CASP1: variants seen among roughly 807,000 people sequenced by gnomAD.
The protein encoded by CASP1 is caspase 1.
CASP1 carries 31 observed loss-of-function variants against 41.2 expected under a neutral mutation model. That is an observed-to-expected ratio of 0.75 (90% confidence interval 0.57 to 1.02). The LOEUF (loss-of-function observed/expected upper bound fraction) is 1.02. Among genes scored for constraint, CASP1 ranks in the 50% least tolerant of loss-of-function variants. The probability of loss-of-function intolerance (pLI) is 0.00; values close to 1 mark genes in which losing one functional copy is unlikely to be tolerated. For missense variants in CASP1, 490 were observed against 495.7 expected, an observed-to-expected ratio of 0.99 and a Z score of 0.11; for synonymous variants, 163 against 166.5, an observed-to-expected ratio of 0.98 and a Z score of 0.16.
In CASP1 at chr11:105,034,114, G is replaced by C; in HGVS notation, c.274+94C>G. 6 of 1,604,838 alleles carry C rather than the reference G, an allele frequency of 3.7e-6. No homozygotes were observed. The African/African-American group carries it at 4.0e-5, about 11-fold the overall frequency. On this transcript the variant is annotated intron_variant, in intron 2 of 8. Coordinates refer to ENST00000533400, the MANE Select transcript of CASP1 (RefSeq NM_001257118.3). ...TGGCCCTGAAGCCAGAAATAAGAAA[G>C]TTTTCTTCCAATTAACATGACTAGT...
chr11:105,026,887 C>T lies in CASP1; in HGVS notation c.1071G>A (p.Met357Ile). Residue 357 changes from methionine to isoleucine, a missense_variant, in exon 8 of 9, where the codon ATG (methionine) becomes ATA (isoleucine). Met to Ile is a conservative substitution (Grantham distance 10). Transcript: ENST00000533400. Reference sequence around the variant, plus strand: ...CATCACAGGAACAGGCATATTCTTGCATATGTTCAATGAGTCTTCCAATAA... The same window carrying T: ...CATCACAGGAACAGGCATATTCTTGTATATGTTCAATGAGTCTTCCAATAA... ...SVFIGRLIEH[M>I]QEYACSCDVE... The T allele has an allele frequency of 6.2e-7, 1 of 1,610,996 alleles. No individual in the cohort carries two copies. The highest frequency in any genetic ancestry group is 8.5e-7 in the Non-Finnish European group (1 of 1,177,340).
At position 105,030,378 on chromosome 11, in the gene CASP1, T is replaced by C; in HGVS notation, c.579A>G (p.Leu193=). The part of the protein sequence containing the change: ...EVDITGMTML[L]QNLGYSVDVK... ...CATCTACGCTGTACCCCAGATTTTG[T>C]AGCAGCATTGTCATGCCTGTGATGT... Residue 193 remains leucine, a synonymous_variant, in exon 5 of 9, where the codon CTA becomes CTG. Coordinates refer to ENST00000533400, the MANE Select transcript of CASP1 (RefSeq NM_001257118.3). 6.2e-7 allele frequency: 1 copy of C among 1,613,674 alleles called. No individual in the cohort carries two copies. The highest frequency in any genetic ancestry group is 8.5e-7 in the Non-Finnish European group (1 of 1,179,680).
intron 7 of CASP1, among the ~76,000 whole-genome samples, chr11:105,028,268 A>G (rs1863447468): frequency 6.6e-6 from 1 of 152,114 alleles, no homozygotes. Flanking sequence ...TATTTTAGAA[A>G]ACTTAACTAT....
intron 7 of CASP1, 91 bp downstream of exon 7, chr11:105,029,033 T>A: frequency 8.2e-7 from 1 of 1,216,942 alleles, no homozygotes; most frequent in Non-Finnish European, 1.2e-6. Context: ...CTTGAGTTGG[T>A]CTTGAGTTGT....
intron 2 of CASP1, 116 bp from the exon 3 acceptor site, chr11:105,033,242 A>C: frequency 1.7e-6 from 1 of 604,276 alleles, no homozygotes; most frequent in Admixed American, 3.2e-5. Context: ...TGACTGACTG[A>C]CATTAAATAA....
chr11:105,030,969 G>A (rs374937779), intron 4 of CASP1, 196 bp downstream of exon 4: 27 of 529,200 alleles, frequency 5.1e-5, no homozygotes, highest in Middle Eastern at 3.3e-4. Flanking sequence ...TATTTACCCC[G>A]GAAGTGGATC....
At chr11:105,034,496 C>T (rs1470096654) in intron 1 of CASP1, 22 bp from the exon 2 acceptor site, 1 of 1,612,638 alleles carries the variant, frequency 6.2e-7, no homozygotes, top group Admixed American at 1.7e-5. Flanking sequence ...ACAAGGATTT[C>T]TCACATCATG....
At chr11:105,033,915 C>T (rs765391692) in intron 2 of CASP1, 3 of 710,902 alleles carry the variant, frequency 4.2e-6, no homozygotes, top group South Asian at 4.1e-5. Flanking sequence ...TTGCCAGGAA[C>T]ACTGGAAAAC....
At chr11:105,027,659 T>C (rs1863400614) in intron 7 of CASP1, among the ~76,000 whole-genome samples, 2 of 152,074 alleles carry the variant, frequency 1.3e-5, no homozygotes, top group South Asian at 4.1e-4. Context: ...GTTCTAATGG[T>C]CATAAAGTAT....
chr11:105,030,424 CTAGGAA>C lies in CASP1; in HGVS notation c.527_532del (p.Ile176_Pro177del). 6.2e-7 allele frequency: 1 copy of C among 1,613,616 alleles called. No individual in the cohort carries two copies. Among genetic ancestry groups the C allele is most frequent in the Non-Finnish European group, 8.5e-7 (1 of 1,179,666 alleles). ...GATGTCAACCTCAGCTCCAGTTCTT[CTAGGAA>C]TACTGTCAAATTCTTCATTGCAGAT... On this transcript the variant is annotated inframe_deletion, in exon 5 of 9. Coordinates refer to ENST00000533400, the MANE Select transcript of CASP1 (RefSeq NM_001257118.3).
rs1304340541 is a variant in CASP1 at position 105,029,791 on chromosome 11, T to C, written c.736A>G (p.Lys246Glu). ...TCTGGGACTTGCTCAGAGTGTTTCTTCCCACAAATGCCTTCCCGAATACCA... is the reference window on the plus strand; with the variant it reads ...TCTGGGACTTGCTCAGAGTGTTTCTCCCCACAAATGCCTTCCCGAATACCA... The part of the protein sequence containing the change: ...SHGIREGICG[K>E]KHSEQVPDIL... The change falls in exon 6 of 9, where the codon AAG (lysine) becomes GAG (glutamate). Residue 246 changes from lysine to glutamate, a missense_variant. By Grantham distance (56) the Lys-to-Glu change is moderately conservative. Coordinates refer to ENST00000533400, the MANE Select transcript of CASP1 (RefSeq NM_001257118.3). 2.5e-6 allele frequency: 4 copies of C among 1,613,598 alleles called. No individual in the cohort carries two copies. Among genetic ancestry groups the C allele is most frequent in the Non-Finnish European group, 2.5e-6 (3 of 1,179,724 alleles).
Position 105,031,266 on chromosome 11 carries a change from G to C in CASP1, c.352C>G (p.Gln118Glu). Residue 118 changes from glutamine (Q) to glutamate (E), a missense_variant, in exon 4 of 9, where the codon CAG becomes GAG. Transcript: ENST00000533400. ...GATGTGGGCATAGCTGGGTTGTCCT[G>C]CACTGCCTGAGGAGCTGCAAGAGAC... ...LSSFPAPQAV[Q>E]DNPAMPTSSG... is the part of the protein sequence containing the mutation. The C allele has an allele frequency of 6.2e-7, 1 of 1,604,846 alleles. No individual in the cohort carries two copies.
intron 3 of CASP1, among the ~76,000 whole-genome samples, chr11:105,031,959 T>G (rs1863725981): frequency 6.6e-6 from 1 of 152,180 alleles, no homozygotes; most frequent in Admixed American, 6.6e-5. Context: ...TCACAGAGTT[T>G]ATGTGAGAAA....
chr11:105,026,223 T>A lies in CASP1; in HGVS notation c.*35A>T, dbSNP rs746330284. ...TCCCACACTCCCGACCATACACATG[T>A]ACCTGCCCACAGACATTCATACAGT... On this transcript the variant is annotated 3_prime_UTR_variant, in exon 9 of 9. Transcript: ENST00000533400. 30 of 1,362,652 alleles carry A rather than the reference T, an allele frequency of 2.2e-5. No homozygotes were observed. Among genetic ancestry groups the A allele is most frequent in the Non-Finnish European group, 3.2e-5 (30 of 951,680 alleles). 84.4% of individuals were successfully genotyped at this position (1,362,652 alleles called of 1,614,324 possible). A position where few individuals can be genotyped will look rare whatever the true frequency, so the allele number is the denominator to read the frequency against.
intron 3 of CASP1, among the ~76,000 whole-genome samples, chr11:105,032,420 A>T (rs1013286268): frequency 1.3e-5 from 2 of 152,204 alleles, no homozygotes; most frequent in African/African-American, 4.8e-5. Flanking sequence ...TATTCATGAT[A>T]CCCAACCTTA....
chr11:105,029,963 C>A, intron 5 of CASP1, 64 bp from the exon 6 acceptor site: 1 of 1,209,062 alleles, frequency 8.3e-7, no homozygotes, highest in South Asian at 1.2e-5. Context: ...CTTGGAAAGT[C>A]AATAAATAAA....
Position 105,029,202 on chromosome 11 carries a change from T to G in CASP1, c.928A>C (p.Thr310Pro). ...GVSGNLSLPTTEEFEDDAIKK... is the reference protein window; with the variant it reads ...GVSGNLSLPTPEEFEDDAIKK... ...ATAGCATCATCCTCAAACTCTTCTGTAGTTGGTAAAGATAGGTTTCCAGAA... is the reference window on the plus strand; with the variant it reads ...ATAGCATCATCCTCAAACTCTTCTGGAGTTGGTAAAGATAGGTTTCCAGAA... Residue 310 changes from threonine (T) to proline (P), a missense_variant, in exon 7 of 9, where the codon ACA becomes CCA. Thr to Pro is a conservative substitution (Grantham distance 38, BLOSUM62 -1). Coordinates refer to ENST00000533400, the MANE Select transcript of CASP1 (RefSeq NM_001257118.3). 1 of 1,613,184 alleles carries G rather than the reference T, an allele frequency of 6.2e-7. No individual in the cohort carries two copies. The highest frequency in any genetic ancestry group is 8.5e-7 in the Non-Finnish European group (1 of 1,179,370).
At chr11:105,031,018 T>C (rs1863658300) in intron 4 of CASP1, 147 bp downstream of exon 4, 1 of 598,492 alleles carries the variant, frequency 1.7e-6, no homozygotes, top group East Asian at 2.8e-5. Flanking sequence ...GATTCTAGGA[T>C]ATAGAAATCC....
intron 2 of CASP1, among the ~76,000 whole-genome samples, chr11:105,033,660 C>A (rs1863834685): frequency 6.6e-6 from 1 of 152,152 alleles, no homozygotes; most frequent in South Asian, 2.1e-4. Context: ...AAAGAAAATA[C>A]AAGGAGGCAA....
Sources: gnomAD v4.1 joint callset for allele counts (sites outside exome capture counted in the v4.1 genomes callset) on GRCh38, gnomAD v4.1.1 for gene constraint, MANE v1.5 for transcripts, NCBI Gene and HGNC (gene_info 2026-07-23, HGNC 2026-07-21) for gene names.